Variants in CLDN10 observed in about 807,000 individuals in gnomAD.
CLDN10 encodes the protein claudin-10.
In CLDN10, 15 loss-of-function variants were observed where a neutral mutation model predicts 22.9. The ratio of observed to expected loss-of-function variants is 0.65; its 90% confidence interval spans 0.44 to 1.01. The LOEUF (loss-of-function observed/expected upper bound fraction) is 1.01. CLDN10 is among the 50% of genes least tolerant of loss of function. The pLI is 0.00. For missense variants in CLDN10, 247 were observed against 287.8 expected (o/e 0.86, Z 1.03); for synonymous variants, 114 against 111.4 (o/e 1.02, Z -0.15).
chr13:95,455,185 T>C (rs909260135), intron 1 of CLDN10, among the ~76,000 whole-genome samples: 1 of 149,908 alleles, frequency 6.7e-6, no homozygotes, highest in Non-Finnish European at 1.5e-5. Flanking sequence ...TTATTTTCTA[T>C]AGCCTCTAAT....
intron 1 of CLDN10, among the ~76,000 whole-genome samples, chr13:95,457,972 T>C (rs1356809284): frequency 6.6e-6 from 1 of 152,208 alleles, no homozygotes; most frequent in Non-Finnish European, 1.5e-5. Flanking sequence ...GAAGTTCAGC[T>C]AATCTAGGCT....
At chr13:95,511,564 G>T (rs1030522860) in intron 1 of CLDN10, among the ~76,000 whole-genome samples, 1 of 151,798 alleles carries the variant, frequency 6.6e-6, no homozygotes, top group Non-Finnish European at 1.5e-5. Flanking sequence ...TTCTCCTTTG[G>T]TGTTTCAGAC....
At chr13:95,522,683 T>C (rs1259842038) in intron 1 of CLDN10, among the ~76,000 whole-genome samples, 1 of 152,082 alleles carries the variant, frequency 6.6e-6, no homozygotes, top group African/African-American at 2.4e-5. Flanking sequence ...TAGATTTATC[T>C]ATCTCCTGTA....
chr13:95,466,722 G>A (rs2042584331), intron 1 of CLDN10, among the ~76,000 whole-genome samples: 1 of 151,482 alleles, frequency 6.6e-6, no homozygotes, highest in African/African-American at 2.4e-5. Flanking sequence ...GTCAAGGTAG[G>A]CAAAAAAAAT....
At position 95,433,807 on chromosome 13, in the gene CLDN10, C is replaced by T. The variant is rs570623351; in HGVS notation, c.-27C>T. The T allele has an allele frequency of 9.3e-5, 150 of 1,611,774 alleles. 2 individuals carry two copies. In the South Asian group the frequency reaches 1.3e-3, roughly 14 times the overall value. On this transcript the variant is annotated 5_prime_UTR_variant, in exon 1 of 5. Transcript: ENST00000376873. ...AGACCACCAAAGCGTTCTGACCGGACAGTGTCACTGGAGAAGGCGGCGCGA... is the reference window on the plus strand; with the variant it reads ...AGACCACCAAAGCGTTCTGACCGGATAGTGTCACTGGAGAAGGCGGCGCGA...
chr13:95,562,245 A>G (rs1423204206), intron 3 of CLDN10, among the ~76,000 whole-genome samples: 2 of 151,698 alleles, frequency 1.3e-5, no homozygotes, highest in African/African-American at 4.8e-5. Flanking sequence ...GATAATTTTT[A>G]CATTTTTTAA....
intron 1 of CLDN10, among the ~76,000 whole-genome samples, chr13:95,526,363 C>A (rs1456638176): frequency 6.6e-6 from 1 of 152,160 alleles, no homozygotes; most frequent in Non-Finnish European, 1.5e-5. Flanking sequence ...TCATTAGAAG[C>A]TCTGAGACTG....
intron 3 of CLDN10, among the ~76,000 whole-genome samples, chr13:95,570,278 G>A (rs1231608774): frequency 6.6e-6 from 1 of 152,130 alleles, no homozygotes; most frequent in Non-Finnish European, 1.5e-5. Flanking sequence ...ATGACTCGGT[G>A]CCTCATTTCT....
Position 95,479,086 on chromosome 13 carries a change from C to T in CLDN10, c.214+45039C>T, listed in dbSNP as rs572632976. Among the ~76,000 whole-genome samples, 11 of 152,334 alleles carry T rather than the reference C, an allele frequency of 7.2e-5. No homozygotes were observed. The East Asian group carries it at 1.9e-3, about 27-fold the overall frequency. On this transcript the variant is annotated intron_variant, in intron 1 of 4. Coordinates refer to the CLDN10 transcript ENST00000376873. Reference sequence around the variant, plus strand: ...TGGCCACCGGCCGGGTGCAGTGGCTCATGCCTGTAATCCCAGCACTTTGGG... The same window carrying T: ...TGGCCACCGGCCGGGTGCAGTGGCTTATGCCTGTAATCCCAGCACTTTGGG...
rs571929565 is a variant in CLDN10, at chr13:95,564,441, G to T, written c.464+3978G>T. Among the ~76,000 whole-genome samples, 13 of 152,290 alleles carry T rather than the reference G, an allele frequency of 8.5e-5. No individual in the cohort carries two copies. The South Asian group carries it at 2.1e-3, about 24-fold the overall frequency. ...ATGTGTGTTTGGGCCCTTAGGAAGC[G>T]CAGTGAGAGACAGCGACTTGTCACA... On this transcript the variant is annotated intron_variant, in intron 3 of 4. Transcript: ENST00000299339.
chr13:95,538,759 C>A (rs1489800108), intron 1 of CLDN10, among the ~76,000 whole-genome samples: 2 of 152,242 alleles, frequency 1.3e-5, no homozygotes, highest in African/African-American at 2.4e-5. Context: ...ATAGCCAACA[C>A]CGTTGTCCTG....
At chr13:95,454,390 T>C (rs111679333) in intron 1 of CLDN10, among the ~76,000 whole-genome samples, 2,390 of 151,964 alleles carry the variant, frequency 0.016, 73 homozygotes, top group African/African-American at 0.054. Flanking sequence ...GCAGTGAGAT[T>C]GCCCCACTGC....
intron 1 of CLDN10, among the ~76,000 whole-genome samples, chr13:95,464,695 C>A (rs571916585): frequency 6.6e-6 from 1 of 151,676 alleles, no homozygotes; most frequent in Non-Finnish European, 1.5e-5. Context: ...ATGTCCCAGA[C>A]GCCATGCTGC....
At chr13:95,558,555 A>G (rs545997680) in intron 1 of CLDN10, among the ~76,000 whole-genome samples, 1 of 152,346 alleles carries the variant, frequency 6.6e-6, no homozygotes, top group East Asian at 1.9e-4. Flanking sequence ...ACAATTAAGT[A>G]GAGCAGCTCC....
At chr13:95,540,466 C>A (rs1334781599) in intron 1 of CLDN10, among the ~76,000 whole-genome samples, 1 of 152,004 alleles carries the variant, frequency 6.6e-6, no homozygotes, top group Non-Finnish European at 1.5e-5. Flanking sequence ...TGCACACCAG[C>A]CTGGGCAGCA....
At chr13:95,460,045 G>A (rs1439398118) in intron 1 of CLDN10, among the ~76,000 whole-genome samples, 2 of 152,126 alleles carry the variant, frequency 1.3e-5, no homozygotes, top group Admixed American at 6.6e-5. Context: ...TAGGGCAGGG[G>A]CAAAGTGCTT....
chr13:95,540,758 G>C (rs536950854), intron 1 of CLDN10, among the ~76,000 whole-genome samples: 3 of 152,306 alleles, frequency 2.0e-5, no homozygotes, highest in African/African-American at 7.2e-5. Flanking sequence ...TTGAGTAATT[G>C]ATATAGGGAG....
At position 95,456,785 on chromosome 13, in the gene CLDN10, A is replaced by G. The variant is rs59624424; in HGVS notation, c.214+22738A>G. ...CGAAACAAAACAAAATGAAACAAAAACAAAATGAAAACATTCATTAGGCAT... is the reference window on the plus strand; with the variant it reads ...CGAAACAAAACAAAATGAAACAAAAGCAAAATGAAAACATTCATTAGGCAT... On this transcript the variant is annotated intron_variant, in intron 1 of 4. Coordinates refer to the CLDN10 transcript ENST00000376873. Among the ~76,000 whole-genome samples, 27 of 152,288 alleles carry G rather than the reference A, an allele frequency of 1.8e-4. No homozygotes were observed. The East Asian group carries it at 4.8e-3, about 27-fold the overall frequency.
At chr13:95,564,329 C>T (rs1844569979) in intron 3 of CLDN10, among the ~76,000 whole-genome samples, 1 of 152,184 alleles carries the variant, frequency 6.6e-6, no homozygotes, top group African/African-American at 2.4e-5. Context: ...GAGGATGGAG[C>T]AAGAAAGCTC....
Sources: gnomAD v4.1 joint callset for allele counts (sites outside exome capture counted in the v4.1 genomes callset) on GRCh38, gnomAD v4.1.1 for gene constraint, MANE v1.5 for transcripts, NCBI Gene and HGNC (gene_info 2026-07-23, HGNC 2026-07-21) for gene names.